Variants in TTN observed in about 807,000 individuals in gnomAD.
TTN encodes the protein connectin.
Under a neutral mutation model 3,223.0 loss-of-function variants are expected in TTN, and 1,525 were observed. The observed-to-expected ratio is 0.47, with a 90% CI of 0.45 to 0.49. The LOEUF (loss-of-function observed/expected upper bound fraction) is 0.49, where lower values mean the gene tolerates loss of function less well. Ranked by LOEUF, TTN falls within the 20% of genes least tolerant of loss-of-function variation. TTN has a pLI of 0.00. For synonymous variants in TTN, 14,094 were observed against 15,161.0 expected (o/e 0.93, Z 5.17); for missense variants, 40,786 against 43,424.0 (o/e 0.94, Z 5.40).
chr2:178,531,915 C>G lies in TTN; in HGVS notation c.104700G>C (p.Glu34900Asp). Reference sequence around the variant, plus strand: ...AAAAGATATCAAATCTTGCAGACCTCTCAAATCTCGAGAGTGATCTCTCAC... The same window carrying G: ...AAAAGATATCAAATCTTGCAGACCTGTCAAATCTCGAGAGTGATCTCTCAC... ...VSSERSLSRF[E>D]RSARFDIFSR... Residue 34900 changes from glutamate to aspartate, a missense_variant, in exon 358 of 363, where the codon GAG becomes GAC. Coordinates refer to ENST00000589042, the MANE Select transcript of TTN (RefSeq NM_001267550.2). The G allele has an allele frequency of 6.2e-7, 1 of 1,612,898 alleles. No individual in the cohort carries two copies. Among genetic ancestry groups the G allele is most frequent in the Non-Finnish European group, 8.5e-7 (1 of 1,179,332 alleles).
chr2:178,588,162 G>A lies in TTN; in HGVS notation c.63245C>T (p.Thr21082Ile), dbSNP rs2049445898. 4 of 1,605,758 alleles carry A rather than the reference G, an allele frequency of 2.5e-6. No individual in the cohort carries two copies. Among genetic ancestry groups the A allele is most frequent in the Non-Finnish European group, 3.4e-6 (4 of 1,173,904 alleles). ...RVVDTTKHSI[T>I]LGWGKPVYDG... ...ATAGACTGGTTTTCCCCACCCAAGA[G>A]TTATGGAATGTTTGGTTGTATCAAC... The change falls in exon 305 of 363, where the codon ACT becomes ATT. Residue 21082 changes from threonine (T) to isoleucine (I), a missense_variant. Transcript: ENST00000589042.
rs903271898 is a variant in TTN at position 178,685,087 on chromosome 2, T to A, written c.32471-98A>T. The A allele has an allele frequency of 2.5e-6, 3 of 1,187,874 alleles. No homozygotes were observed. The Admixed American group carries it at 6.7e-5, about 26-fold the overall frequency. The allele number at this position is 1,187,874 out of a possible 1,614,324, so 73.6% of individuals were successfully genotyped here. A position where few individuals can be genotyped will look rare whatever the true frequency, so the allele number is the denominator to read the frequency against. On this transcript the variant is annotated intron_variant, in intron 129 of 362. Transcript: ENST00000589042. ...TCACTTTTTGAAAAGATTGCACATA[T>A]ATACAAACGTTAATGACTATACTCA...
chr2:178,640,170 T>C (rs1240607984), intron 221 of TTN, 60 bp from the exon 222 acceptor site: 2 of 1,523,692 alleles, frequency 1.3e-6, no homozygotes, highest in African/African-American at 1.4e-5. Context: ...TTTCACAAAG[T>C]CAAAACTAAA....
chr2:178,532,129 G>T lies in TTN; in HGVS notation c.104486C>A (p.Ser34829Ter). The change falls in exon 358 of 363, where the codon TCA becomes TAA. Residue 34829 changes from serine (S) to a stop codon, truncating the protein, a stop_gained. Transcript: ENST00000589042. LOFTEE classifies it high-confidence loss of function. ...CAGTAGTCTAGACGCAGATGAGGAT[G>T]ATTCTCTTTGAGCATGTTTTGAGAT... is the stretch of plus-strand genomic sequence containing the variant. ...YEISKHAQRE[S>*]SSSASRLLRR... is the part of the protein sequence containing the mutation. 1 of 1,613,892 alleles carries T rather than the reference G, an allele frequency of 6.2e-7. No individual in the cohort carries two copies. Among genetic ancestry groups the T allele is most frequent in the South Asian group, 1.1e-5 (1 of 91,076 alleles).
rs2092710903 is a variant in TTN, at chr2:178,780,947, TA to T, written c.3523+173del. Among the ~76,000 whole-genome samples the T allele has an allele frequency of 3.3e-5, 5 of 152,320 alleles. No individual in the cohort carries two copies. The South Asian group carries it at 1.0e-3, about 32-fold the overall frequency. ...TAGAACCTCAGAAGTTTAATGACAG[TA>T]TAGTTTTTGAGGCCATGTGGTCTAA... On this transcript the variant is annotated intron_variant, in intron 21 of 362. Transcript: ENST00000589042.
intron 47 of TTN, chr2:178,749,418 G>T: frequency 6.2e-7 from 1 of 1,613,000 alleles, no homozygotes; most frequent in Middle Eastern, 1.7e-4. Context: ...TCTCTAGAAG[G>T]TATGCAACGC....
In TTN at chr2:178,776,587, G is replaced by A. The variant is rs572727952; in HGVS notation, c.5277C>T (p.Tyr1759=). The A allele has an allele frequency of 1.2e-6, 2 of 1,613,902 alleles. No individual in the cohort carries two copies. Among genetic ancestry groups the A allele is most frequent in the East Asian group, 2.2e-5 (1 of 44,864 alleles). ...ATGCAACGCCATAATCAAGGCTGCA[G>A]TACCCAAATTCATTGATCATACGGA... ...NRLRMINEFG[Y]CSLDYGVAYS... is the part of the protein sequence containing the mutation. The change falls in exon 28 of 363, where the codon TAC becomes TAT. Residue 1759 remains tyrosine, a synonymous_variant. Coordinates refer to ENST00000589042, the MANE Select transcript of TTN (RefSeq NM_001267550.2).
intron 270 of TTN, among the ~76,000 whole-genome samples, 195 bp downstream of exon 270, chr2:178,610,798 T>C (rs1401653025): frequency 6.6e-6 from 1 of 152,028 alleles, no homozygotes; most frequent in Admixed American, 6.6e-5. Context: ...TAGTATAAAT[T>C]AGTCTAATAA....
chr2:178,794,256 A>G lies in TTN; in HGVS notation c.1398+143T>C, dbSNP rs1574917797. On this transcript the variant is annotated intron_variant, in intron 8 of 362. Coordinates refer to ENST00000589042, the MANE Select transcript of TTN (RefSeq NM_001267550.2). ...GACCACCTTTTGCTCAGAAAGTTCT[A>G]AAAGTCTGGGCCCTGCTGGGCTCAA... 3.1e-6 allele frequency: 4 copies of G among 1,276,880 alleles called. No individual in the cohort carries two copies. In the East Asian group the frequency reaches 9.3e-5, roughly 30 times the overall value. The allele number at this position is 1,276,880 out of a possible 1,614,324, so 79.1% of individuals were successfully genotyped here.
At chr2:178,744,386 C>T in intron 47 of TTN, 3 of 984,482 alleles carry the variant, frequency 3.0e-6, no homozygotes, top group Non-Finnish European at 3.6e-6. Context: ...TCTTTTGGTC[C>T]TACCCTTCAT....
Position 178,624,383 on chromosome 2 carries a change from A to G in TTN, c.44815+82T>C, listed in dbSNP as rs1194163053. On this transcript the variant is annotated intron_variant, in intron 242 of 362. Transcript: ENST00000589042. ...GAAATGCAGTTAGGCCAAGAAGGGC[A>G]TGCAAAAAGTGTTGTGTTGTTTTGT... 2.2e-5 allele frequency: 35 copies of G among 1,575,372 alleles called. No individual in the cohort carries two copies. In the Middle Eastern group the frequency reaches 9.1e-4, roughly 41 times the overall value.
Position 178,730,754 on chromosome 2 carries a change from T to G in TTN, c.17779A>C (p.Lys5927Gln). The G allele has an allele frequency of 6.2e-7, 1 of 1,607,800 alleles. No homozygotes were observed. Among genetic ancestry groups the G allele is most frequent in the Non-Finnish European group, 8.5e-7 (1 of 1,175,556 alleles). ...IPPSFTKKLK[K>Q]MDSIKGSFID... ...AAAGAACCTTTAATGCTGTCCATTT[T>G]CTTCAGCTTTTTGGTGAATGAAGGA... Residue 5927 changes from lysine to glutamine, a missense_variant, in exon 61 of 363, where the codon AAA (lysine) becomes CAA (glutamine). Transcript: ENST00000589042.
rs1560631696 is a variant in TTN at position 178,717,564 on chromosome 2, G to A, written c.25310C>T (p.Pro8437Leu). The stretch of plus-strand genomic sequence containing the variant: ...GGCACTGGATGAAGCAGTCCCAAGA[G>A]GATTAGAAGCAGAGCAATTATACTG... ...IGQYNCSASN[P>L]LGTASSSAKL... The change falls in exon 87 of 363, where the codon CCT (proline) becomes CTT (leucine). Residue 8437 changes from proline (P) to leucine (L), a missense_variant. By Grantham distance (98) the Pro-to-Leu change is moderately conservative (BLOSUM62 -3). Coordinates refer to ENST00000589042, the MANE Select transcript of TTN (RefSeq NM_001267550.2). The A allele has an allele frequency of 6.2e-7, 1 of 1,612,698 alleles. No homozygotes were observed. Among genetic ancestry groups the A allele is most frequent in the Non-Finnish European group, 8.5e-7 (1 of 1,179,152 alleles).
At chr2:178,770,899 A>G in intron 34 of TTN, 3 of 811,606 alleles carry the variant, frequency 3.7e-6, no homozygotes, top group Non-Finnish European at 6.5e-6. Flanking sequence ...CTTTAGTAGT[A>G]TGAAGTTTGC....
chr2:178,548,727 TAAG>T lies in TTN; in HGVS notation c.92896_92898del (p.Leu30966del). ...GTTGTATGGATATCAGCCCGAAGGC[TAAG>T]GTTAGAGTCTGGTTTGCTCCACACA... is the stretch of plus-strand genomic sequence containing the variant. On this transcript the variant is annotated inframe_deletion, in exon 339 of 363. Coordinates refer to ENST00000589042, the MANE Select transcript of TTN (RefSeq NM_001267550.2). This position sits in a 1 kb window ranked among gnomAD's most constrained non-coding sequence, Gnocchi z 4.3. 1 of 1,613,860 alleles carries T rather than the reference TAAG, an allele frequency of 6.2e-7. No homozygotes were observed. Among genetic ancestry groups the T allele is most frequent in the Non-Finnish European group, 8.5e-7 (1 of 1,179,798 alleles).
chr2:178,572,537 G>A lies in TTN; in HGVS notation c.73595C>T (p.Thr24532Ile). The change falls in exon 326 of 363, where the codon ACT (threonine) becomes ATT (isoleucine). Residue 24532 changes from threonine (T) to isoleucine (I), a missense_variant. Physicochemically the swap from Thr to Ile is moderately conservative, Grantham distance 89. Transcript: ENST00000589042. The part of the protein sequence containing the change: ...PPQDLKVKEV[T>I]KTSVTLTWDP... ...CCATGTGAGTGTGACAGATGTCTTA[G>A]TGACCTCTTTTACCTTCAGATCCTG... 6.2e-7 allele frequency: 1 copy of A among 1,613,412 alleles called. No individual in the cohort carries two copies. The highest frequency in any genetic ancestry group is 8.5e-7 in the Non-Finnish European group (1 of 1,179,594).
At chr2:178,805,345 A>G (rs2094267163) in intron 1 of TTN, among the ~76,000 whole-genome samples, 1 of 71,824 alleles carries the variant, frequency 1.4e-5, no homozygotes, top group Admixed American at 1.2e-4. Flanking sequence ...CTCTGTCTCA[A>G]AAAAAAAAAA....
chr2:178,605,719 G>C lies in TTN; in HGVS notation c.53582-6C>G, dbSNP rs727503608. On this transcript the variant is annotated splice_region_variant and splice_polypyrimidine_tract_variant and intron_variant, in intron 278 of 362. Coordinates refer to ENST00000589042, the MANE Select transcript of TTN (RefSeq NM_001267550.2). The stretch of plus-strand genomic sequence containing the variant: ...CTCTGGAGATGTTGGAGGACCTTTA[G>C]CCAGAGGCAAGTGAAAATGATTAGC... 3 of 1,475,762 alleles carry C rather than the reference G, an allele frequency of 2.0e-6. No individual in the cohort carries two copies. Among genetic ancestry groups the C allele is most frequent in the Non-Finnish European group, 2.7e-6 (3 of 1,109,498 alleles). 91.4% of individuals were successfully genotyped at this position (1,475,762 alleles called of 1,614,324 possible). A position where few individuals can be genotyped will look rare whatever the true frequency, so the allele number is the denominator to read the frequency against.
rs551126367 is a variant in TTN, at chr2:178,528,647, G to C, written c.107104C>G (p.Pro35702Ala). ...LTLSKELSDA[P>A]AFISQPRSQN... ...GATCTAGGCTGTGAGATGAAGGCTG[G>C]AGCATCTGAGAGTTCTTTGCTCAGT... is the stretch of plus-strand genomic sequence containing the variant. The change falls in exon 360 of 363, where the codon CCA becomes GCA. Residue 35702 changes from proline to alanine, a missense_variant. Physicochemically the swap from Pro to Ala is conservative, Grantham distance 27. Transcript: ENST00000589042. The C allele has an allele frequency of 2.5e-6, 4 of 1,612,948 alleles. No homozygotes were observed. The African/African-American group carries it at 5.3e-5, about 21-fold the overall frequency.
Sources: gnomAD v4.1 joint callset for allele counts (sites outside exome capture counted in the v4.1 genomes callset) on GRCh38, gnomAD v4.1.1 for gene constraint, Gnocchi (gnomAD v3.1) non-coding constraint, MANE v1.5 for transcripts, NCBI Gene and HGNC (gene_info 2026-07-23, HGNC 2026-07-21) for gene names.